SQSTM1: variants seen among roughly 807,000 people sequenced by gnomAD.
SQSTM1 encodes sequestosome-1.
SQSTM1 carries 36 observed loss-of-function variants against 45.1 expected under a neutral mutation model. The ratio of observed to expected loss-of-function variants is 0.80; its 90% CI spans 0.61 to 1.05. The LOEUF (loss-of-function observed/expected upper bound fraction) is 1.05. Ranked by LOEUF, SQSTM1 falls within the 50% of genes least tolerant of loss-of-function variation. The pLI is 0.00. For synonymous variants in SQSTM1, 290 were observed against 244.3 expected (o/e 1.19, Z -1.74); for missense variants, 617 against 607.1 (o/e 1.02, Z -0.17).
intron 1 of SQSTM1, among the ~76,000 whole-genome samples, chr5:179,809,403 C>T (rs1334313367): frequency 8.3e-6 from 1 of 119,766 alleles, no homozygotes; most frequent in African/African-American, 3.2e-5. Context: ...ATGGCAGAAT[C>T]TCGGCTTACT....
At position 179,824,045 on chromosome 5, in the gene SQSTM1, C is replaced by T. The variant is rs1216959569; in HGVS notation, c.489C>T (p.His163=). The T allele has an allele frequency of 1.9e-6, 3 of 1,614,026 alleles. No homozygotes were observed. The highest frequency in any genetic ancestry group is 2.2e-5 in the South Asian group (2 of 91,092). ...AGGGAAAGGGCTTGCACCGGGGGCA[C>T]ACCAAGCTCGCATTCCCCAGCCCCT... ...VCEGKGLHRG[H]TKLAFPSPFG... The change falls in exon 3 of 8, where the codon CAC becomes CAT. Residue 163 remains histidine, a synonymous_variant. Transcript: ENST00000389805.
Position 179,806,980 on chromosome 5 carries a change from G to T in SQSTM1, c.-157+389G>T, listed in dbSNP as rs546927750. The stretch of plus-strand genomic sequence containing the variant: ...CTGGATCTGGGGCCGCCGCGGAGTC[G>T]ACGGCGCAGGGCGGGGCGGCCCGGA... On this transcript the variant is annotated intron_variant, in intron 1 of 5. Coordinates refer to the SQSTM1 transcript ENST00000514093. The surrounding 1 kb of genome is among the most constrained non-coding windows in gnomAD (Gnocchi z 4.6). 6.7e-6 allele frequency: 1 copy of T among 149,894 alleles called. No homozygotes were observed. The highest frequency in any genetic ancestry group is 2.2e-4 in the South Asian group (1 of 4,632). 9.3% of individuals were successfully genotyped at this position (149,894 alleles called of 1,614,324 possible).
chr5:179,823,041 A>T lies in SQSTM1; in HGVS notation c.289A>T (p.Ile97Phe). 2 of 1,614,060 alleles carry T rather than the reference A, an allele frequency of 1.2e-6. No individual in the cohort carries two copies. The highest frequency in any genetic ancestry group is 1.7e-6 in the Non-Finnish European group (2 of 1,179,974). Residue 97 changes from isoleucine to phenylalanine, a missense_variant, in exon 2 of 8, where the codon ATC becomes TTC. Transcript: ENST00000389805. ...MSYVKDDIFR[I>F]YIKEKKECRR... is the part of the protein sequence containing the mutation. Reference sequence around the variant, plus strand: ...CTACGTGAAGGATGACATCTTCCGAATCTACATTAAAGGTAAGGGGCTGCT... The same window carrying T: ...CTACGTGAAGGATGACATCTTCCGATTCTACATTAAAGGTAAGGGGCTGCT...
At chr5:179,821,936 C>T (rs1034699984) in intron 1 of SQSTM1, among the ~76,000 whole-genome samples, 7 of 146,526 alleles carry the variant, frequency 4.8e-5, no homozygotes, top group African/African-American at 5.0e-5. Flanking sequence ...ACCAGGCCCT[C>T]TCCTATTCTT....
intron 1 of SQSTM1, among the ~76,000 whole-genome samples, chr5:179,808,674 C>T (rs76839019): frequency 2.6e-5 from 4 of 151,806 alleles, no homozygotes; most frequent in Admixed American, 2.6e-4. Context: ...AAAAATTAGC[C>T]GGGTGTGGTG....
At chr5:179,816,721 T>G (rs2113470075), upstream of SQSTM1, among the ~76,000 whole-genome samples, 1 of 152,296 alleles carries the variant, frequency 6.6e-6, no homozygotes, top group South Asian at 2.1e-4. Context: ...TTCGATGGGC[T>G]TGGGGCGCCT....
upstream of SQSTM1, among the ~76,000 whole-genome samples, chr5:179,819,577 C>T (rs1209379352): frequency 6.6e-6 from 1 of 152,250 alleles, no homozygotes; most frequent in African/African-American, 2.4e-5. Context: ...CTCTCAGGCG[C>T]CTGGGCTGCT....
At position 179,837,646 on chromosome 5, in the gene SQSTM1, T is replaced by C. The variant is rs371482381; in HGVS notation, c.*1053T>C. The C allele has an allele frequency of 3.6e-5, 58 of 1,614,230 alleles. No homozygotes were observed. In the East Asian group the frequency reaches 7.8e-4, roughly 22 times the overall value. ...TGGGGGTCCCTTGCTTAGCCTGTGC[T>C]GGACCAGCTGGCCTGGGGTCCCTCT... On this transcript the variant is annotated 3_prime_UTR_variant, in exon 8 of 8. Coordinates refer to ENST00000389805, the MANE Select transcript of SQSTM1 (RefSeq NM_003900.5).
chr5:179,806,699 G>A lies in SQSTM1; in HGVS notation c.-157+108G>A, dbSNP rs1461758010. ...GCGGCGGCAGGGGCCCCGGCCCCGG[G>A]TCGGGGAGGGGCGGGGGGCCCGGGG... is the stretch of plus-strand genomic sequence containing the variant. On this transcript the variant is annotated intron_variant, in intron 1 of 5. Transcript: ENST00000514093. The surrounding 1 kb of genome is among the most constrained non-coding windows in gnomAD (Gnocchi z 4.6). 3 of 238,374 alleles carry A rather than the reference G, an allele frequency of 1.3e-5. No homozygotes were observed. The highest frequency in any genetic ancestry group is 1.3e-5 in the Non-Finnish European group (2 of 150,392). 14.8% of individuals were successfully genotyped at this position (238,374 alleles called of 1,614,324 possible).
At chr5:179,826,951 G>A (rs529419054) in intron 5 of SQSTM1, among the ~76,000 whole-genome samples, 45 of 152,182 alleles carry the variant, frequency 3.0e-4, no homozygotes, top group African/African-American at 1.0e-3. Context: ...TTGAGAGATC[G>A]GCTGTGCCTA....
intron 2 of SQSTM1, chr5:179,823,591 C>G (rs1757873206): frequency 1.9e-6 from 1 of 523,716 alleles, no homozygotes; most frequent in African/African-American, 1.9e-5. Flanking sequence ...TGCCGTGGCG[C>G]TTGGGTGAAG....
chr5:179,816,680 T>TC (rs1006959051), upstream of SQSTM1, among the ~76,000 whole-genome samples: 47 of 152,000 alleles, frequency 3.1e-4, no homozygotes, highest in African/African-American at 9.4e-4. Context: ...TTTCCCACAG[T>TC]CCCCCCAGGC....
intron 2 of SQSTM1, 60 bp from the exon 3 acceptor site, chr5:179,823,798 G>T: frequency 1.3e-6 from 2 of 1,560,706 alleles, no homozygotes; most frequent in South Asian, 2.2e-5. Context: ...CCACAGTGAC[G>T]ACAGAGGGGG....
At position 179,823,835 on chromosome 5, in the gene SQSTM1, G is replaced by A. The variant is rs375923358; in HGVS notation, c.302-23G>A. 63 of 1,607,238 alleles carry A rather than the reference G, an allele frequency of 3.9e-5. No homozygotes were observed. The African/African-American group carries it at 4.3e-4, about 11-fold the overall frequency. The stretch of plus-strand genomic sequence containing the variant: ...GGACTTTAGGGGGTCCCACCCTAGC[G>A]GCTCTCTTTACCCTTCCTGTAGAGA... On this transcript the variant is annotated intron_variant, in intron 2 of 7. Transcript: ENST00000389805.
At chr5:179,836,356 G>A (rs1758553326) in intron 7 of SQSTM1, 80 bp from the exon 8 acceptor site, 4 of 1,598,170 alleles carry the variant, frequency 2.5e-6, no homozygotes, top group Admixed American at 1.7e-5. Context: ...GTCCTGGCTG[G>A]CCAAGGCAGC....
chr5:179,830,472 C>T lies in SQSTM1; in HGVS notation c.755-2560C>T, dbSNP rs981154798. Reference sequence around the variant, plus strand: ...AGCAGTGGTACAGTTGTCTTCATCTCGTGGGCTCAAGTGATCCTTCTGCTT... The same window carrying T: ...AGCAGTGGTACAGTTGTCTTCATCTTGTGGGCTCAAGTGATCCTTCTGCTT... On this transcript the variant is annotated intron_variant, in intron 5 of 7. Coordinates refer to ENST00000389805, the MANE Select transcript of SQSTM1 (RefSeq NM_003900.5). Among the ~76,000 whole-genome samples, 7 of 151,990 alleles carry T rather than the reference C, an allele frequency of 4.6e-5. No individual in the cohort carries two copies. In the South Asian group the frequency reaches 6.2e-4, roughly 13 times the overall value.
chr5:179,820,770 G>T (rs1397383352), upstream of SQSTM1: 1 of 567,292 alleles, frequency 1.8e-6, no homozygotes, highest in Non-Finnish European at 2.9e-6. Flanking sequence ...GAGTAGTGAA[G>T]GGGCCTCTGC....
Position 179,837,596 on chromosome 5 carries a change from A to G in SQSTM1, c.*1003A>G. On this transcript the variant is annotated 3_prime_UTR_variant, in exon 8 of 8. Coordinates refer to ENST00000389805, the MANE Select transcript of SQSTM1 (RefSeq NM_003900.5). ...CTGGACAGCGGCAGTGGGCCTGCTGAGGCCTTCTCTTGAGGCCTGTGCTCT... is the reference window on the plus strand; with the variant it reads ...CTGGACAGCGGCAGTGGGCCTGCTGGGGCCTTCTCTTGAGGCCTGTGCTCT... 6.2e-7 allele frequency: 1 copy of G among 1,614,128 alleles called. No individual in the cohort carries two copies. The highest frequency in any genetic ancestry group is 1.3e-5 in the African/African-American group (1 of 75,060).
intron 5 of SQSTM1, among the ~76,000 whole-genome samples, chr5:179,829,547 A>G (rs1758128774): frequency 6.6e-6 from 1 of 152,250 alleles, no homozygotes; most frequent in South Asian, 2.1e-4. Context: ...AAAAAGGAAC[A>G]GGATACTAGA....
Sources: gnomAD v4.1 joint callset for allele counts (sites outside exome capture counted in the v4.1 genomes callset) on GRCh38, gnomAD v4.1.1 for gene constraint, Gnocchi (gnomAD v3.1) non-coding constraint, MANE v1.5 for transcripts, NCBI Gene and HGNC (gene_info 2026-07-23, HGNC 2026-07-21) for gene names.